Variants in OR4M1 observed in about 807,000 individuals in gnomAD.
OR4M1 encodes olfactory receptor family 4 subfamily M member 1, also known as olfactory receptor 4M1.
Under a neutral mutation model 9.8 loss-of-function variants are expected in OR4M1, and 7 were observed. That is an observed-to-expected ratio of 0.71 (90% CI 0.41 to 1.34). The LOEUF (loss-of-function observed/expected upper bound fraction) is 1.34. Ranked by LOEUF, OR4M1 falls within the 40% of genes most tolerant of loss-of-function variation. The pLI, the probability that OR4M1 is intolerant of heterozygous loss-of-function variation, is 0.01. For synonymous variants in OR4M1, 121 were observed against 139.8 expected (o/e 0.87, Z 0.95); for missense variants, 331 against 380.4 (o/e 0.87, Z 1.08).
At position 19,781,766 on chromosome 14, in the gene OR4M1, C is replaced by T. The variant is rs1350358096; in HGVS notation, c.*502C>T. On this transcript the variant is annotated 3_prime_UTR_variant, in exon 2 of 2. Coordinates refer to ENST00000641200, the MANE Select transcript of OR4M1 (RefSeq NM_001005500.2). ...GAAAAACAGATTATTTGTCCTTTATCTCCTCTTATTTCCAGAGTTGATGGA... is the reference window on the plus strand; with the variant it reads ...GAAAAACAGATTATTTGTCCTTTATTTCCTCTTATTTCCAGAGTTGATGGA... 6.4e-6 allele frequency: 1 copy of T among 157,044 alleles called. No homozygotes were observed. The highest frequency in any genetic ancestry group is 6.3e-5 in the Admixed American group (1 of 15,856). 9.7% of individuals were successfully genotyped at this position (157,044 alleles called of 1,614,324 possible).
At chr14:19,778,363 G>A (rs146020315) in intron 1 of OR4M1, among the ~76,000 whole-genome samples, 498 of 152,194 alleles carry the variant, frequency 3.3e-3, no homozygotes, top group East Asian at 0.025. Flanking sequence ...TTTGTGTGAC[G>A]ACACTCAGAA....
rs1878505163 is a variant in OR4M1, at chr14:19,781,717, CT to C, written c.*454del. ...CAGTGTTGGCTCAGTGGAATGGTAT[CT>C]GGTAAACATCTTGCTGGGTCTGGAA... On this transcript the variant is annotated 3_prime_UTR_variant, in exon 2 of 2. Coordinates refer to ENST00000641200, the MANE Select transcript of OR4M1 (RefSeq NM_001005500.2). 1 of 166,730 alleles carries C rather than the reference CT, an allele frequency of 6.0e-6. No individual in the cohort carries two copies. Among genetic ancestry groups the C allele is most frequent in the African/African-American group, 2.4e-5 (1 of 41,636 alleles). 10.3% of individuals were successfully genotyped at this position (166,730 alleles called of 1,614,324 possible). A position where few individuals can be genotyped will look rare whatever the true frequency, so the allele number is the denominator to read the frequency against.
rs550494418 is a variant in OR4M1 at position 19,778,124 on chromosome 14, A to C, written c.-29-2170A>C. On this transcript the variant is annotated intron_variant, in intron 1 of 1. Transcript: ENST00000641200. The stretch of plus-strand genomic sequence containing the variant: ...TTGGTTCTTAATGCAAAGTATATAC[A>C]TCATTAGTTTCTAATTTTATGTTGT... Among the ~76,000 whole-genome samples the C allele has an allele frequency of 5.3e-5, 8 of 152,332 alleles. No individual in the cohort carries two copies. In the East Asian group the frequency reaches 1.5e-3, roughly 29 times the overall value.
At chr14:19,776,620 G>T (rs1461715336) in intron 1 of OR4M1, among the ~76,000 whole-genome samples, 2 of 152,202 alleles carry the variant, frequency 1.3e-5, no homozygotes, top group Admixed American at 1.3e-4. Flanking sequence ...CTCCTCAATG[G>T]CAACCTTAGA....
chr14:19,774,708 A>T (rs1354182562), intron 1 of OR4M1, among the ~76,000 whole-genome samples: 1 of 152,232 alleles, frequency 6.6e-6, no homozygotes, highest in East Asian at 1.9e-4. Flanking sequence ...TACATCAACA[A>T]TGTAACAGGA....
At position 19,780,419 on chromosome 14, in the gene OR4M1, T is replaced by A. The variant is rs755183354; in HGVS notation, c.97T>A (p.Ser33Thr). The change falls in exon 2 of 2, where the codon TCC becomes ACC. Residue 33 changes from serine to threonine, a missense_variant. By Grantham distance (58) the Ser-to-Thr change is moderately conservative. This residue lies in a region of OR4M1 where 209 missense variants were observed against 200.0 expected (regional missense o/e 1.04). Coordinates refer to ENST00000641200, the MANE Select transcript of OR4M1 (RefSeq NM_001005500.2). Reference sequence around the variant, plus strand: ...ACTAGTCCTATTTGTTATATTTCTATCCTTCTATTTGTTCATCCTACCAGG... The same window carrying A: ...ACTAGTCCTATTTGTTATATTTCTAACCTTCTATTTGTTCATCCTACCAGG... ...VQLVLFVIFLSFYLFILPGNI... is the reference protein window; with the variant it reads ...VQLVLFVIFLTFYLFILPGNI... 1.9e-6 allele frequency: 3 copies of A among 1,614,176 alleles called. No individual in the cohort carries two copies. In the East Asian group the frequency reaches 6.7e-5, roughly 36 times the overall value.
intron 1 of OR4M1, among the ~76,000 whole-genome samples, chr14:19,777,888 T>TGTGTG (rs1878358543): frequency 6.6e-6 from 1 of 152,028 alleles, no homozygotes. Context: ...GGTATGTGTG[T>TGTGTG]GTGTGTGTGT....
In OR4M1 at chr14:19,781,354, C is replaced by A; in HGVS notation, c.*90C>A. ...GTAATAATGCTGCATTCACTTCCTC[C>A]GTTCATTTGTGTTCTTAAAATTTTA... is the stretch of plus-strand genomic sequence containing the variant. On this transcript the variant is annotated 3_prime_UTR_variant, in exon 2 of 2. Coordinates refer to ENST00000641200, the MANE Select transcript of OR4M1 (RefSeq NM_001005500.2). The A allele has an allele frequency of 1.8e-6, 2 of 1,142,100 alleles. No individual in the cohort carries two copies. Among genetic ancestry groups the A allele is most frequent in the East Asian group, 2.6e-5 (1 of 38,740 alleles). 70.7% of individuals were successfully genotyped at this position (1,142,100 alleles called of 1,614,324 possible).
Position 19,781,237 on chromosome 14 carries a change from C to A in OR4M1, c.915C>A (p.Thr305=). 1 of 1,611,050 alleles carries A rather than the reference C, an allele frequency of 6.2e-7. No individual in the cohort carries two copies. The highest frequency in any genetic ancestry group is 8.5e-7 in the Non-Finnish European group (1 of 1,177,982). ...EVKAAMRKVV[T]KYILCEEK ...AGGCAGCCATGAGGAAGGTGGTCAC[C>A]AAATATATTTTGTGTGAAGAGAAGT... The change falls in exon 2 of 2, where the codon ACC becomes ACA. Residue 305 remains threonine, a synonymous_variant. Coordinates refer to ENST00000641200, the MANE Select transcript of OR4M1 (RefSeq NM_001005500.2).
At chr14:19,778,573 A>G (rs1878376725) in intron 1 of OR4M1, among the ~76,000 whole-genome samples, 1 of 152,224 alleles carries the variant, frequency 6.6e-6, no homozygotes. Flanking sequence ...AATATTTCAG[A>G]TGCTTTTGGT....
At position 19,780,586 on chromosome 14, in the gene OR4M1, G is replaced by A; in HGVS notation, c.264G>A (p.Glu88=). 1 of 1,614,238 alleles carries A rather than the reference G, an allele frequency of 6.2e-7. No individual in the cohort carries two copies. The highest frequency in any genetic ancestry group is 1.1e-5 in the South Asian group (1 of 91,090). ...AAATGCTCATAGACTTCTTTGTGGAGAGGAAGATAATTTCCTTTGGTGGAT... is the reference window on the plus strand; with the variant it reads ...AAATGCTCATAGACTTCTTTGTGGAAAGGAAGATAATTTCCTTTGGTGGAT... The part of the protein sequence containing the change: ...APKMLIDFFV[E]RKIISFGGCI... Residue 88 remains glutamate (E), a synonymous_variant, in exon 2 of 2, where the codon GAG becomes GAA. Coordinates refer to ENST00000641200, the MANE Select transcript of OR4M1 (RefSeq NM_001005500.2).
chr14:19,780,409 T>A lies in OR4M1; in HGVS notation c.87T>A (p.Val29=), dbSNP rs765093417. 3 of 1,614,070 alleles carry A rather than the reference T, an allele frequency of 1.9e-6. No individual in the cohort carries two copies. The highest frequency in any genetic ancestry group is 1.3e-5 in the African/African-American group (1 of 74,952). ...QTREVQLVLF[V]IFLSFYLFIL... Reference sequence around the variant, plus strand: ...GGGAGGTCCAACTAGTCCTATTTGTTATATTTCTATCCTTCTATTTGTTCA... The same window carrying A: ...GGGAGGTCCAACTAGTCCTATTTGTAATATTTCTATCCTTCTATTTGTTCA... The change falls in exon 2 of 2, where the codon GTT becomes GTA. Residue 29 remains valine, a synonymous_variant. Coordinates refer to ENST00000641200, the MANE Select transcript of OR4M1 (RefSeq NM_001005500.2).
rs1173294034 is a variant in OR4M1, at chr14:19,783,430, A to G, written c.*2166A>G. The G allele has an allele frequency of 6.5e-6, 1 of 152,784 alleles. No homozygotes were observed. The highest frequency in any genetic ancestry group is 1.9e-4 in the East Asian group (1 of 5,222). 9.5% of individuals were successfully genotyped at this position (152,784 alleles called of 1,614,324 possible). A position where few individuals can be genotyped will look rare whatever the true frequency, so the allele number is the denominator to read the frequency against. On this transcript the variant is annotated 3_prime_UTR_variant, in exon 2 of 2. Coordinates refer to ENST00000641200, the MANE Select transcript of OR4M1 (RefSeq NM_001005500.2). ...CTGGCCCAAAATGTCAATAGTGCCG[A>G]GAATGAAGAACTCCATCAGGTTGAG...
Position 19,781,493 on chromosome 14 carries a change from G to C in OR4M1, c.*229G>C, listed in dbSNP as rs1387686048. The C allele has an allele frequency of 2.2e-5, 11 of 506,818 alleles. No individual in the cohort carries two copies. The highest frequency in any genetic ancestry group is 1.8e-4 in the African/African-American group (9 of 51,164). 31.4% of individuals were successfully genotyped at this position (506,818 alleles called of 1,614,324 possible). The stretch of plus-strand genomic sequence containing the variant: ...TCCAGGCAGATCATTATTAGAATTT[G>C]AGATATAATAATAATCTGCTAAAGT... On this transcript the variant is annotated 3_prime_UTR_variant, in exon 2 of 2. Transcript: ENST00000641200.
chr14:19,778,481 C>T (rs530630895), intron 1 of OR4M1, among the ~76,000 whole-genome samples: 8 of 152,296 alleles, frequency 5.3e-5, no homozygotes, highest in Non-Finnish European at 1.0e-4. Flanking sequence ...CAATTATTTA[C>T]TTAGGAAAAA....
chr14:19,776,251 T>C (rs1268369972), intron 1 of OR4M1, among the ~76,000 whole-genome samples: 4 of 152,220 alleles, frequency 2.6e-5, no homozygotes, highest in African/African-American at 7.2e-5. Context: ...AGGTAGAACA[T>C]TTCTTAAAAC....
At chr14:19,775,324 T>C (rs938968803) in intron 1 of OR4M1, among the ~76,000 whole-genome samples, 2 of 152,174 alleles carry the variant, frequency 1.3e-5, no homozygotes, top group Admixed American at 6.6e-5. Flanking sequence ...CCTCACTCAG[T>C]ATATATTCCT....
rs1185159466 is a variant in OR4M1 at position 19,780,573 on chromosome 14, ACTT to A, written c.255_257del (p.Phe86del). On this transcript the variant is annotated inframe_deletion, in exon 2 of 2. Coordinates refer to ENST00000641200, the MANE Select transcript of OR4M1 (RefSeq NM_001005500.2). Reference sequence around the variant, plus strand: ...ATTACAGCCCCTAAAATGCTCATAGACTTCTTTGTGGAGAGGAAGATAATTTCC... The same window carrying A: ...ATTACAGCCCCTAAAATGCTCATAGACTTTGTGGAGAGGAAGATAATTTCC... 6.2e-7 allele frequency: 1 copy of A among 1,614,220 alleles called. No individual in the cohort carries two copies. The highest frequency in any genetic ancestry group is 2.2e-5 in the East Asian group (1 of 44,886).
Position 19,782,881 on chromosome 14 carries a change from T to A in OR4M1, c.*1617T>A, listed in dbSNP as rs750623309. 30 of 152,070 alleles carry A rather than the reference T, an allele frequency of 2.0e-4. No homozygotes were observed. Among genetic ancestry groups the A allele is most frequent in the Non-Finnish European group, 4.0e-4 (27 of 68,006 alleles). The allele number at this position is 152,070 out of a possible 1,614,324, so 9.4% of individuals were successfully genotyped here. ...GATATATATATATAATATGATAAAA[T>A]GATGAGTTATGTTTCTAAATCTTTT... On this transcript the variant is annotated 3_prime_UTR_variant, in exon 2 of 2. Transcript: ENST00000641200.
Sources: gnomAD v4.1 joint callset for allele counts (sites outside exome capture counted in the v4.1 genomes callset) on GRCh38, gnomAD v4.1.1 for gene constraint, gnomAD v4.1.1 regional missense constraint, MANE v1.5 for transcripts, NCBI Gene and HGNC (gene_info 2026-07-23, HGNC 2026-07-21) for gene names.